FUZ: variants seen among roughly 807,000 people sequenced by gnomAD.
FUZ encodes fuzzy planar cell polarity protein, also known as protein fuzzy homolog.
FUZ carries 31 observed loss-of-function variants against 43.1 expected under a neutral mutation model. That is an observed-to-expected ratio of 0.72 (90% confidence interval 0.54 to 0.97). FUZ has a LOEUF of 0.97. Ranked by LOEUF, FUZ falls within the 50% of genes least tolerant of loss-of-function variation. FUZ has a pLI of 0.00. For synonymous variants in FUZ, 274 were observed against 250.0 expected, an observed-to-expected ratio of 1.10 and a Z score of -0.91; for missense variants, 539 against 543.8, an observed-to-expected ratio of 0.99 and a Z score of 0.09.
Position 49,807,348 on chromosome 19 carries a change from C to A in FUZ, c.1060G>T (p.Asp354Tyr), listed in dbSNP as rs139365610. Residue 354 changes from aspartate (D) to tyrosine (Y), a missense_variant, in exon 11 of 11, where the codon GAT becomes TAT. Transcript: ENST00000313777. ...PEPGPPEKTE[D>Y]EVYQAQLPRA... ...GGCAGCTGGGCCTGGTAGACCTCAT[C>A]TTCTGTCTTCTCTGGTGGCCCTGGC... 25 of 1,613,418 alleles carry A rather than the reference C, an allele frequency of 1.5e-5. No individual in the cohort carries two copies. In the Admixed American group the frequency reaches 1.8e-4, roughly 12 times the overall value.
At chr19:49,812,160 G>A in intron 3 of FUZ, 91 bp downstream of exon 3, 1 of 845,762 alleles carries the variant, frequency 1.2e-6, no homozygotes, top group South Asian at 1.4e-5. Context: ...GGAAGGAAGT[G>A]TTGGTGGTCT....
Position 49,809,024 on chromosome 19 carries a change from C to T in FUZ, c.786+139G>A, listed in dbSNP as rs2073602603. ...CAGAGGCGGGAGCGGCCGATCTTGG[C>T]GGGTAGGTGAATGACTGGAGCGCAG... On this transcript the variant is annotated intron_variant, in intron 7 of 10. Transcript: ENST00000313777. The surrounding 1 kb of genome is among the most constrained non-coding windows in gnomAD (Gnocchi z 5.1). The T allele has an allele frequency of 3.1e-6, 3 of 954,472 alleles. No homozygotes were observed. The highest frequency in any genetic ancestry group is 3.3e-6 in the Non-Finnish European group (2 of 611,146). The allele number at this position is 954,472 out of a possible 1,614,324, so 59.1% of individuals were successfully genotyped here.
chr19:49,813,023 A>T lies in FUZ; in HGVS notation c.84T>A (p.Ser28Arg), dbSNP rs2073866737. Reference protein sequence around the residue: ...SSGVPLFCRSSRGGAPARQQL... With the variant: ...SSGVPLFCRSRRGGAPARQQL... ...GCTGACGGGCGGGGGCGCCGCCGCG[A>T]CTGCTCCTGCAGAATAGGGGGACCC... Residue 28 changes from serine to arginine, a missense_variant, in exon 1 of 11, where the codon AGT becomes AGA. Transcript: ENST00000313777. 2 of 1,551,140 alleles carry T rather than the reference A, an allele frequency of 1.3e-6. No individual in the cohort carries two copies. The highest frequency in any genetic ancestry group is 1.7e-6 in the Non-Finnish European group (2 of 1,146,960).
Position 49,809,334 on chromosome 19 carries a change from G to A in FUZ, c.690+44C>T. On this transcript the variant is annotated intron_variant, in intron 6 of 10. Transcript: ENST00000313777. This position sits in a 1 kb window ranked among gnomAD's most constrained non-coding sequence, Gnocchi z 5.1. ...GCAGATCCCGCCTCCTCGCGACTCGGCCCCCAGGTCACATCCCTCCGTCGG... is the reference window on the plus strand; with the variant it reads ...GCAGATCCCGCCTCCTCGCGACTCGACCCCCAGGTCACATCCCTCCGTCGG... 3 of 1,546,648 alleles carry A rather than the reference G, an allele frequency of 1.9e-6. No homozygotes were observed. The highest frequency in any genetic ancestry group is 2.6e-6 in the Non-Finnish European group (3 of 1,146,588).
chr19:49,811,939 C>T lies in FUZ; in HGVS notation c.319-240G>A, dbSNP rs1418350049. ...CCTGGCCAATATGGTGAAACCCCGT[C>T]TCTACAAAAAATACAAAAATTAGCT... On this transcript the variant is annotated intron_variant, in intron 3 of 10. Coordinates refer to ENST00000313777, the MANE Select transcript of FUZ (RefSeq NM_025129.5). Among the ~76,000 whole-genome samples, 3 of 152,248 alleles carry T rather than the reference C, an allele frequency of 2.0e-5. No homozygotes were observed. In the South Asian group the frequency reaches 6.2e-4, roughly 32 times the overall value.
rs374425297 is a variant in FUZ, at chr19:49,807,132, A to G, written c.*19T>C. 1.6e-5 allele frequency: 25 copies of G among 1,609,592 alleles called. No homozygotes were observed. Among genetic ancestry groups the G allele is most frequent in the Middle Eastern group, 1.7e-4 (1 of 6,046 alleles). On this transcript the variant is annotated 3_prime_UTR_variant, in exon 11 of 11. Coordinates refer to ENST00000313777, the MANE Select transcript of FUZ (RefSeq NM_025129.5). ...CGCTAACAGCCCCATGTCTGTGTCC[A>G]TCACCCACTGCTAGGTAGTCAAAGA...
At position 49,808,595 on chromosome 19, in the gene FUZ, CGGTGAA is replaced by C; in HGVS notation, c.931_936del (p.Phe311_Thr312del). 6.2e-7 allele frequency: 1 copy of C among 1,612,438 alleles called. No individual in the cohort carries two copies. The highest frequency in any genetic ancestry group is 8.5e-7 in the Non-Finnish European group (1 of 1,179,364). ...TCACCTTTATCCCCCAAGGGCTCCA[CGGTGAA>C]GAGGCAGCGCTTCAGTTCCAGGTGG... is the stretch of plus-strand genomic sequence containing the variant. On this transcript the variant is annotated inframe_deletion, in exon 9 of 11. Transcript: ENST00000313777.
At chr19:49,813,300 C>A, upstream of FUZ, 2 of 687,238 alleles carry the variant, frequency 2.9e-6, no homozygotes, top group South Asian at 3.0e-5. Flanking sequence ...GGCACCTCCC[C>A]CAAACCCATT....
At chr19:49,808,993 T>G in intron 7 of FUZ, 170 bp from the exon 8 acceptor site, 5 of 869,418 alleles carry the variant, frequency 5.8e-6, no homozygotes, top group Non-Finnish European at 9.3e-6. Context: ...CCTGGAAGAA[T>G]AGAGGCAGAG....
chr19:49,808,912 C>G, intron 7 of FUZ, 89 bp from the exon 8 acceptor site: 2 of 980,822 alleles, frequency 2.0e-6, no homozygotes, highest in Non-Finnish European at 3.1e-6. Flanking sequence ...GGGGCGTGGT[C>G]AATCGGGAGG....
In FUZ at chr19:49,808,744, C is replaced by A; in HGVS notation, c.866G>T (p.Gly289Val). Residue 289 changes from glycine (G) to valine (V), a missense_variant, in exon 8 of 11, where the codon GGC (glycine) becomes GTC (valine). Gly to Val is a moderately radical substitution (Grantham distance 109). Transcript: ENST00000313777. ...GAGGATGTCTGTGTGAAGGGGGAAG[C>A]CACTGGGCAGCGCCCGGGGTCCCAA... ...LPLGPRALPS[G>V]FPLHTDILGL... 1 of 1,584,942 alleles carries A rather than the reference C, an allele frequency of 6.3e-7. No individual in the cohort carries two copies. Among genetic ancestry groups the A allele is most frequent in the Non-Finnish European group, 8.6e-7 (1 of 1,165,520 alleles).
At position 49,809,806 on chromosome 19, in the gene FUZ, G is replaced by T; in HGVS notation, c.493-231C>A. On this transcript the variant is annotated intron_variant, in intron 5 of 10. Coordinates refer to ENST00000313777, the MANE Select transcript of FUZ (RefSeq NM_025129.5). This position sits in a 1 kb window ranked among gnomAD's most constrained non-coding sequence, Gnocchi z 5.1. The stretch of plus-strand genomic sequence containing the variant: ...TGAAATCTGATTAAACATCTAGCCT[G>T]GGCGGGCAAACTGAAGCTAATAATG... 1 of 597,530 alleles carries T rather than the reference G, an allele frequency of 1.7e-6. No individual in the cohort carries two copies. Among genetic ancestry groups the T allele is most frequent in the Admixed American group, 2.9e-5 (1 of 34,878 alleles). The allele number at this position is 597,530 out of a possible 1,614,324, so 37.0% of individuals were successfully genotyped here. A position where few individuals can be genotyped will look rare whatever the true frequency, so the allele number is the denominator to read the frequency against.
In FUZ at chr19:49,809,706, C is replaced by A; in HGVS notation, c.493-131G>T. On this transcript the variant is annotated intron_variant, in intron 5 of 10. Transcript: ENST00000313777. The surrounding 1 kb of genome is among the most constrained non-coding windows in gnomAD (Gnocchi z 5.1). Reference sequence around the variant, plus strand: ...AGCTCGCGCAGTGGCCATGCTCCTACGTCTCACCCTCTCTGAGCCTGAGTT... The same window carrying A: ...AGCTCGCGCAGTGGCCATGCTCCTAAGTCTCACCCTCTCTGAGCCTGAGTT... 1 of 851,986 alleles carries A rather than the reference C, an allele frequency of 1.2e-6. No homozygotes were observed. Among genetic ancestry groups the A allele is most frequent in the Admixed American group, 2.1e-5 (1 of 48,716 alleles). 52.8% of individuals were successfully genotyped at this position (851,986 alleles called of 1,614,324 possible). A position where few individuals can be genotyped will look rare whatever the true frequency, so the allele number is the denominator to read the frequency against.
At chr19:49,810,538 G>C (rs972990445) in intron 5 of FUZ, among the ~76,000 whole-genome samples, 21 of 151,872 alleles carry the variant, frequency 1.4e-4, no homozygotes, top group African/African-American at 4.4e-4. Flanking sequence ...GCTGGGCCAG[G>C]CGTGGTGACC....
At position 49,809,564 on chromosome 19, in the gene FUZ, G is replaced by A. The variant is rs753972398; in HGVS notation, c.504C>T (p.Ser168=). 7.5e-6 allele frequency: 12 copies of A among 1,597,034 alleles called. No homozygotes were observed. Among genetic ancestry groups the A allele is most frequent in the Middle Eastern group, 1.7e-4 (1 of 5,970 alleles). ...TCGTGCCCGCGGCCTCAGCGAACCCGGAGAGGGCTTCCTGGGTACGGGAGG... is the reference window on the plus strand; with the variant it reads ...TCGTGCCCGCGGCCTCAGCGAACCCAGAGAGGGCTTCCTGGGTACGGGAGG... ...PEGSLLQEAL[S]GFAEAAGTTF... The change falls in exon 6 of 11, where the codon TCC becomes TCT. Residue 168 remains serine (S), a synonymous_variant. Transcript: ENST00000313777. The surrounding 1 kb of genome is among the most constrained non-coding windows in gnomAD (Gnocchi z 5.1).
chr19:49,812,966 C>G (rs1205315217), intron 1 of FUZ, 30 bp downstream of exon 1: 8 of 1,531,778 alleles, frequency 5.2e-6, no homozygotes, highest in Non-Finnish European at 7.1e-6. Context: ...GAACCCCCTT[C>G]GGTTTAGATA....
At chr19:49,811,577 A>C in intron 4 of FUZ, 54 bp downstream of exon 4, 1 of 1,594,576 alleles carries the variant, frequency 6.3e-7, no homozygotes, top group South Asian at 1.1e-5. Context: ...TGTAGTTCCC[A>C]AATGGCAGTG....
At chr19:49,808,250 C>G (rs1376575383) in intron 10 of FUZ, 164 bp downstream of exon 10, 7 of 757,128 alleles carry the variant, frequency 9.2e-6, no homozygotes, top group Non-Finnish European at 1.4e-5. Flanking sequence ...CCCCTCCCTT[C>G]CCATCTGCAT....
intron 5 of FUZ, 43 bp downstream of exon 5, chr19:49,811,320 G>C: frequency 7.3e-7 from 1 of 1,374,126 alleles, no homozygotes; most frequent in South Asian, 1.2e-5. Context: ...CTGAGCCAGG[G>C]CCAGCAGAAC....
Sources: gnomAD v4.1 joint callset for allele counts (sites outside exome capture counted in the v4.1 genomes callset) on GRCh38, gnomAD v4.1.1 for gene constraint, Gnocchi (gnomAD v3.1) non-coding constraint, MANE v1.5 for transcripts, NCBI Gene and HGNC (gene_info 2026-07-23, HGNC 2026-07-21) for gene names.